MRPS31: variants seen among roughly 807,000 people sequenced by gnomAD.
The protein encoded by MRPS31 is mitochondrial ribosomal protein S31, also known as small ribosomal subunit protein mS31.
Under a neutral mutation model 43.1 loss-of-function variants are expected in MRPS31, and 32 were observed. The ratio of observed to expected loss-of-function variants is 0.74; its 90% CI spans 0.56 to 1.00. MRPS31 has a LOEUF of 1.00. Among genes scored for constraint, MRPS31 ranks in the 50% least tolerant of loss-of-function variants. MRPS31 has a pLI of 0.00. For missense variants in MRPS31, 437 were observed against 466.7 expected, an observed-to-expected ratio of 0.94 and a Z score of 0.59; for synonymous variants, 165 against 161.6, an observed-to-expected ratio of 1.02 and a Z score of -0.16.
Position 40,767,158 on chromosome 13 carries a change from G to C in MRPS31, c.153-125C>G. On this transcript the variant is annotated intron_variant, in intron 1 of 6. Coordinates refer to ENST00000323563, the MANE Select transcript of MRPS31 (RefSeq NM_005830.4). Reference sequence around the variant, plus strand: ...TTTTTTTTCAATTCAAGCCCTTTCCGTTGCTTTTTTTTTTTTGAGACGGAG... The same window carrying C: ...TTTTTTTTCAATTCAAGCCCTTTCCCTTGCTTTTTTTTTTTTGAGACGGAG... The C allele has an allele frequency of 5.3e-6, 4 of 750,478 alleles. No individual in the cohort carries two copies. In the South Asian group the frequency reaches 9.7e-5, roughly 18 times the overall value. 46.5% of individuals were successfully genotyped at this position (750,478 alleles called of 1,614,324 possible). A position where few individuals can be genotyped will look rare whatever the true frequency, so the allele number is the denominator to read the frequency against.
intron 2 of MRPS31, among the ~76,000 whole-genome samples, chr13:40,762,315 C>G (rs1033806077): frequency 6.6e-6 from 1 of 152,212 alleles, no homozygotes; most frequent in Non-Finnish European, 1.5e-5. Context: ...GTTCTATCCT[C>G]TATGCCTGAA....
At chr13:40,735,130 G>A (rs1190878484) in intron 6 of MRPS31, among the ~76,000 whole-genome samples, 1 of 152,234 alleles carries the variant, frequency 6.6e-6, no homozygotes, top group Admixed American at 6.5e-5. Flanking sequence ...GGAAGCGCAA[G>A]GGGTCAGGGA....
rs190122423 is a variant in MRPS31 at position 40,758,537 on chromosome 13, T to C, written c.599+411A>G. Among the ~76,000 whole-genome samples, 608 of 152,238 alleles carry C rather than the reference T, an allele frequency of 4.0e-3. 7 individuals carry two copies. Among genetic ancestry groups the C allele is most frequent in the Admixed American group, 0.023 (351 of 15,292 alleles). The stretch of plus-strand genomic sequence containing the variant: ...TGAGAGATGAAGAGAGTAAGTGGAA[T>C]GATGTCAGATGAAATACAGAAGAGG... On this transcript the variant is annotated intron_variant, in intron 3 of 6. Coordinates refer to ENST00000323563, the MANE Select transcript of MRPS31 (RefSeq NM_005830.4).
chr13:40,749,327 T>A, intron 5 of MRPS31, 46 bp from the exon 6 acceptor site: 2 of 1,456,174 alleles, frequency 1.4e-6, no homozygotes, highest in Non-Finnish European at 1.8e-6. Flanking sequence ...AATGTAAGTA[T>A]CTTTTTTTAA....
intron 3 of MRPS31, among the ~76,000 whole-genome samples, chr13:40,758,724 CTG>C (rs1257424448): frequency 6.6e-6 from 1 of 152,076 alleles, no homozygotes; most frequent in African/African-American, 2.4e-5. Context: ...GGACAAGAAA[CTG>C]TAACTTCCTA....
chr13:40,767,145 T>G, intron 1 of MRPS31, 112 bp from the exon 2 acceptor site: 1 of 890,890 alleles, frequency 1.1e-6, no homozygotes, highest in South Asian at 2.1e-5. Flanking sequence ...TTTTTTCAAT[T>G]CAAGCCCTTT....
In MRPS31 at chr13:40,729,548, G is replaced by T; in HGVS notation, c.1012C>A (p.Leu338Met). ...FHEHIFLEKH[L>M]ESFPKQGPIR... The stretch of plus-strand genomic sequence containing the variant: ...GGTCCTTGTTTTGGAAAGCTCTCCA[G>T]GTGTTTCTCCAGAAATATATGTTCA... Residue 338 changes from leucine to methionine, a missense_variant, in exon 7 of 7, where the codon CTG (leucine) becomes ATG (methionine). Transcript: ENST00000323563. 6.2e-7 allele frequency: 1 copy of T among 1,613,884 alleles called. No homozygotes were observed. Among genetic ancestry groups the T allele is most frequent in the South Asian group, 1.1e-5 (1 of 91,070 alleles).
At chr13:40,734,769 C>T (rs1879826858) in intron 6 of MRPS31, among the ~76,000 whole-genome samples, 1 of 152,082 alleles carries the variant, frequency 6.6e-6, no homozygotes, top group African/African-American at 2.4e-5. Flanking sequence ...GGTGGTGTGC[C>T]TGTGGTCCTC....
rs1047469502 is a variant in MRPS31 at position 40,760,997 on chromosome 13, G to A, written c.441-1891C>T. Among the ~76,000 whole-genome samples, 7 of 151,970 alleles carry A rather than the reference G, an allele frequency of 4.6e-5. No individual in the cohort carries two copies. The East Asian group carries it at 5.8e-4, about 13-fold the overall frequency. ...AAAGAGAAGAATTAAACAAGGGGTCGGGCACGGTGGCTCATTCCTGTATAA... is the reference window on the plus strand; with the variant it reads ...AAAGAGAAGAATTAAACAAGGGGTCAGGCACGGTGGCTCATTCCTGTATAA... On this transcript the variant is annotated intron_variant, in intron 2 of 6. Coordinates refer to ENST00000323563, the MANE Select transcript of MRPS31 (RefSeq NM_005830.4).
intron 3 of MRPS31, among the ~76,000 whole-genome samples, chr13:40,758,005 T>C (rs779570306): frequency 1.3e-5 from 2 of 151,688 alleles, no homozygotes; most frequent in East Asian, 2.0e-4. Context: ...TAGCCGGGCA[T>C]GGTGGCGGGC....
At chr13:40,742,649 C>T (rs1880134648) in intron 6 of MRPS31, among the ~76,000 whole-genome samples, 1 of 152,166 alleles carries the variant, frequency 6.6e-6, no homozygotes, top group Non-Finnish European at 1.5e-5. Flanking sequence ...TTGAACTTTT[C>T]TCACTGTTCT....
chr13:40,770,348 C>T (rs1457655358), intron 1 of MRPS31, among the ~76,000 whole-genome samples: 1 of 152,182 alleles, frequency 6.6e-6, no homozygotes, highest in African/African-American at 2.4e-5. Flanking sequence ...ATACCAAAAC[C>T]AAGTATGCCA....
At chr13:40,766,085 A>C (rs1254939773) in intron 2 of MRPS31, among the ~76,000 whole-genome samples, 1 of 152,218 alleles carries the variant, frequency 6.6e-6, no homozygotes, top group African/African-American at 2.4e-5. Context: ...TACAGACATT[A>C]AGCTACCTTC....
At chr13:40,735,270 A>G (rs7338274) in intron 6 of MRPS31, among the ~76,000 whole-genome samples, 105,010 of 152,086 alleles carry the variant, frequency 0.69, 37,823 homozygotes, top group African/African-American at 0.9. Flanking sequence ...CACCTGGCTC[A>G]GAGGGTCCTA....
intron 2 of MRPS31, among the ~76,000 whole-genome samples, chr13:40,759,464 A>G (rs1366807430): frequency 6.6e-6 from 1 of 152,110 alleles, no homozygotes; most frequent in African/African-American, 2.4e-5. Context: ...AACAAACAAA[A>G]AAAACAAAAA....
intron 6 of MRPS31, among the ~76,000 whole-genome samples, chr13:40,734,331 G>C (rs1003308067): frequency 3.3e-5 from 5 of 152,194 alleles, no homozygotes; most frequent in African/African-American, 9.7e-5. Context: ...AGAAGTCCCA[G>C]GAGGAGGGCA....
chr13:40,758,882 T>A, intron 3 of MRPS31, 66 bp downstream of exon 3: 1 of 1,399,524 alleles, frequency 7.1e-7, no homozygotes, highest in Non-Finnish European at 9.4e-7. Flanking sequence ...TATTACTCAC[T>A]AGCCATATGA....
chr13:40,759,604 G>A (rs1404637177), intron 2 of MRPS31, among the ~76,000 whole-genome samples: 1 of 152,078 alleles, frequency 6.6e-6, no homozygotes, highest in Non-Finnish European at 1.5e-5. Context: ...CAACTATTAG[G>A]TACCGGTTTT....
intron 5 of MRPS31, chr13:40,752,204 G>C (rs1451334551): frequency 1.3e-5 from 2 of 151,858 alleles, no homozygotes; most frequent in Non-Finnish European, 2.9e-5. Flanking sequence ...TTGTATTTTT[G>C]GTAGAGACAG....
Sources: allele counts gnomAD v4.1 joint callset (sites outside exome capture counted in the v4.1 genomes callset), GRCh38; gene constraint gnomAD v4.1.1; transcripts MANE v1.5; gene names NCBI Gene and HGNC (gene_info 2026-07-23, HGNC 2026-07-21).